The following LDHAL6A variants were observed in gnomAD, a reference collection of about 807,000 sequenced individuals.
LDHAL6A encodes lactate dehydrogenase A like 6A.
LDHAL6A carries 19 observed loss-of-function variants against 28.2 expected under a neutral mutation model. The ratio of observed to expected loss-of-function variants is 0.67; its 90% confidence interval spans 0.47 to 0.99. The LOEUF is 0.99. LDHAL6A is among the 50% of genes least tolerant of loss of function. LDHAL6A has a pLI of 0.00. For synonymous variants in LDHAL6A, 144 were observed against 134.4 expected (o/e 1.07, Z -0.49); for missense variants, 372 against 398.6 (o/e 0.93, Z 0.57).
chr11:18,462,651 CAAACAAAAA>C lies in LDHAL6A; in HGVS notation c.127-1306_127-1298del, dbSNP rs1165078431. Among the ~76,000 whole-genome samples, 470 of 54,422 alleles carry C rather than the reference CAAACAAAAA, an allele frequency of 8.6e-3. 14 individuals are homozygous for C. The highest frequency in any genetic ancestry group is 0.045 in the East Asian group (151 of 3,352). The allele number at this position is 54,422 out of a possible 152,430, so 35.7% of individuals were successfully genotyped here. On this transcript the variant is annotated intron_variant, in intron 1 of 6. Coordinates refer to ENST00000280706, the MANE Select transcript of LDHAL6A (RefSeq NM_144972.5). ...GACTCTGTCTCAAAAAACAAACAAA[CAAACAAAAA>C]AAAAAACAAAAAAAACCCAAAAATT...
chr11:18,465,430 T>A (rs1049759075), intron 2 of LDHAL6A, among the ~76,000 whole-genome samples: 2 of 62,504 alleles, frequency 3.2e-5, no homozygotes, highest in African/African-American at 1.1e-4. Flanking sequence ...ACTTACGTTT[T>A]TTTTTTTTTT....
In LDHAL6A at chr11:18,456,406, C is replaced by CGT. The variant is rs71047599; in HGVS notation, c.-275_-274insGT. ...TTGGTGGAGCAACCCCTGTTCCTTT[C>CGT]CTCTCTCTCTCTCTTAATTCCTCTT... On this transcript the variant is annotated 5_prime_UTR_variant, in exon 1 of 7. An upstream open reading frame in the 5' UTR loses its in-frame stop. Coordinates refer to ENST00000280706, the MANE Select transcript of LDHAL6A (RefSeq NM_144972.5). 9.7e-5 allele frequency: 32 copies of CGT among 331,272 alleles called. 1 individual carries two copies. The highest frequency in any genetic ancestry group is 6.5e-4 in the African/African-American group (29 of 44,526). 20.5% of individuals were successfully genotyped at this position (331,272 alleles called of 1,614,324 possible). A position where few individuals can be genotyped will look rare whatever the true frequency, so the allele number is the denominator to read the frequency against.
intron 3 of LDHAL6A, chr11:18,469,316 T>G (rs948157036): frequency 4.3e-5 from 20 of 466,372 alleles, no homozygotes; most frequent in Non-Finnish European, 7.2e-5. Flanking sequence ...AAGTACCGCG[T>G]CATTAAGGTT....
chr11:18,461,003 A>T (rs963388545), intron 1 of LDHAL6A, among the ~76,000 whole-genome samples: 1 of 151,966 alleles, frequency 6.6e-6, no homozygotes, highest in African/African-American at 2.4e-5. Flanking sequence ...ATGCCCAGCT[A>T]ATTTTTGTAT....
chr11:18,464,088 A>C lies in LDHAL6A; in HGVS notation c.244+10A>C. 25 of 1,471,384 alleles carry C rather than the reference A, an allele frequency of 1.7e-5. No individual in the cohort carries two copies. Among genetic ancestry groups the C allele is most frequent in the African/African-American group, 2.8e-5 (2 of 72,436 alleles). 91.1% of individuals were successfully genotyped at this position (1,471,384 alleles called of 1,614,324 possible). ...ATTGTCTCCAGCAAAGGTTAATGTC[A>C]TAGTTAAATACTATAAATATTCTAA... On this transcript the variant is annotated intron_variant, in intron 2 of 6. Transcript: ENST00000280706.
At chr11:18,476,255 G>A in intron 4 of LDHAL6A, 129 bp from the exon 5 acceptor site, 5 of 962,440 alleles carry the variant, frequency 5.2e-6, no homozygotes, top group Non-Finnish European at 5.9e-6. Context: ...TATCTGGAGT[G>A]GGGCTCAGAT....
At chr11:18,472,793 ATTTAT>A (rs994363790) in intron 3 of LDHAL6A, among the ~76,000 whole-genome samples, 9 of 152,292 alleles carry the variant, frequency 5.9e-5, no homozygotes, top group Admixed American at 4.6e-4. Context: ...TTGAATCAAT[ATTTAT>A]TTTAGACACT....
At chr11:18,466,513 G>A (rs1849078294) in intron 3 of LDHAL6A, among the ~76,000 whole-genome samples, 1 of 151,940 alleles carries the variant, frequency 6.6e-6, no homozygotes. Flanking sequence ...AATTATCAGG[G>A]CATGGTGGAG....
In LDHAL6A at chr11:18,462,616, A is replaced by G. The variant is rs568393915; in HGVS notation, c.127-1345A>G. On this transcript the variant is annotated intron_variant, in intron 1 of 6. Coordinates refer to ENST00000280706, the MANE Select transcript of LDHAL6A (RefSeq NM_144972.5). ...CACGCCACTGCACTCCAGCCTGGGC[A>G]ACAGAGCAAGACTCTGTCTCAAAAA... 2.4e-3 allele frequency among the ~76,000 whole-genome samples: 344 copies of G among 145,878 alleles called. 2 individuals carry two copies. The highest frequency in any genetic ancestry group is 8.0e-3 in the African/African-American group (303 of 37,926).
At chr11:18,457,297 A>C (rs901676017) in intron 1 of LDHAL6A, among the ~76,000 whole-genome samples, 1 of 152,072 alleles carries the variant, frequency 6.6e-6, no homozygotes, top group Non-Finnish European at 1.5e-5. Context: ...CTTAGTATTG[A>C]TACAGCTGAT....
intron 2 of LDHAL6A, among the ~76,000 whole-genome samples, chr11:18,465,426 G>GTTTTTTTT (rs5790038): frequency 7.1e-6 from 1 of 139,988 alleles, no homozygotes. Context: ...CATGACTTAC[G>GTTTTTTTT]TTTTTTTTTT....
chr11:18,475,675 T>C, intron 4 of LDHAL6A, 36 bp downstream of exon 4: 1 of 1,565,338 alleles, frequency 6.4e-7, no homozygotes, highest in South Asian at 1.2e-5. Context: ...CTGAAATATC[T>C]ATTTCCTATC....
At chr11:18,466,159 T>C (rs1356729378) in intron 3 of LDHAL6A, among the ~76,000 whole-genome samples, 1 of 152,216 alleles carries the variant, frequency 6.6e-6, no homozygotes, top group Non-Finnish European at 1.5e-5. Flanking sequence ...TTTTGTTTTT[T>C]ATGGCTGCAT....
chr11:18,461,455 T>G (rs987365090), intron 1 of LDHAL6A, among the ~76,000 whole-genome samples: 1 of 152,160 alleles, frequency 6.6e-6, no homozygotes, highest in African/African-American at 2.4e-5. Flanking sequence ...GATCATTTAC[T>G]TCTAAGCACT....
At position 18,477,719 on chromosome 11, in the gene LDHAL6A, G is replaced by A. The variant is rs777360567; in HGVS notation, c.810G>A (p.Val270=). Residue 270 remains valine (V), a synonymous_variant, in exon 6 of 7, where the codon GTG becomes GTA. Coordinates refer to ENST00000280706, the MANE Select transcript of LDHAL6A (RefSeq NM_144972.5). Reference sequence around the variant, plus strand: ...GTATTTTGAAGAATCTTAGGAGAGTGCATCCAGTTTCTACCCTAAGTAAGG... The same window carrying A: ...GTATTTTGAAGAATCTTAGGAGAGTACATCCAGTTTCTACCCTAAGTAAGG... ...TESILKNLRR[V]HPVSTLSKGL... is the part of the protein sequence containing the mutation. 3.1e-6 allele frequency: 5 copies of A among 1,610,206 alleles called. No individual in the cohort carries two copies. The highest frequency in any genetic ancestry group is 4.2e-6 in the Non-Finnish European group (5 of 1,178,656).
chr11:18,478,886 A>G lies in LDHAL6A; in HGVS notation c.*16A>G. The G allele has an allele frequency of 6.3e-7, 1 of 1,583,916 alleles. No individual in the cohort carries two copies. Among genetic ancestry groups the G allele is most frequent in the Non-Finnish European group, 8.6e-7 (1 of 1,162,872 alleles). ...CAAGCTTTAAAGTTGCTTAAAGCTA[A>G]TTCTGTAGATTGAAGATGAAATAGT... is the stretch of plus-strand genomic sequence containing the variant. On this transcript the variant is annotated 3_prime_UTR_variant, in exon 7 of 7. Transcript: ENST00000280706.
At chr11:18,458,256 G>T (rs1315368653) in intron 1 of LDHAL6A, among the ~76,000 whole-genome samples, 1 of 152,168 alleles carries the variant, frequency 6.6e-6, no homozygotes, top group Non-Finnish European at 1.5e-5. Flanking sequence ...TGGTGGATAG[G>T]AGTACAGAAG....
intron 3 of LDHAL6A, among the ~76,000 whole-genome samples, chr11:18,466,671 A>AG (rs1849083132): frequency 6.6e-6 from 1 of 150,816 alleles, no homozygotes; most frequent in African/African-American, 2.4e-5. Flanking sequence ...AAAAAAAAAA[A>AG]GTAGTGTGTA....
Position 18,475,638 on chromosome 11 carries a change from T to G in LDHAL6A, c.591T>G (p.Ser197Arg). ...GLILGEHGDSSVPVWSGVNIA... is the reference protein window; with the variant it reads ...GLILGEHGDSRVPVWSGVNIA... ...TCCTTGGAGAGCATGGCGACTCAAGTGGTAAGCCTGAGGCACGATTGAGCC... is the reference window on the plus strand; with the variant it reads ...TCCTTGGAGAGCATGGCGACTCAAGGGGTAAGCCTGAGGCACGATTGAGCC... Residue 197 changes from serine (S) to arginine (R), a missense_variant and splice_region_variant, in exon 4 of 7, where the codon AGT becomes AGG. By Grantham distance (110) the Ser-to-Arg change is moderately radical. Coordinates refer to ENST00000280706, the MANE Select transcript of LDHAL6A (RefSeq NM_144972.5). The G allele has an allele frequency of 6.2e-7, 1 of 1,611,790 alleles. No individual in the cohort carries two copies. The highest frequency in any genetic ancestry group is 8.5e-7 in the Non-Finnish European group (1 of 1,179,112).
Sources: allele counts gnomAD v4.1 joint callset (sites outside exome capture counted in the v4.1 genomes callset), GRCh38; gene constraint gnomAD v4.1.1; transcripts MANE v1.5; gene names NCBI Gene and HGNC (gene_info 2026-07-23, HGNC 2026-07-21).